Variants in OR56A3 observed in about 807,000 individuals in gnomAD.
OR56A3 encodes olfactory receptor 56A3.
OR56A3 carries 23 observed loss-of-function variants against 17.5 expected under a neutral mutation model. That is an observed-to-expected ratio of 1.32 (90% CI 0.95 to 1.87). The LOEUF is 1.87. Ranked by LOEUF, OR56A3 falls within the 40% of genes most tolerant of loss-of-function variation. OR56A3 has a pLI of 0.00. For synonymous variants in OR56A3, 175 were observed against 150.6 expected (o/e 1.16, Z -1.19); for missense variants, 366 against 380.1 (o/e 0.96, Z 0.31).
At position 5,949,544 on chromosome 11, in the gene OR56A3, T is replaced by C. The variant is rs1204427937; in HGVS notation, c.*1250T>C. ...TACCTGATAATAGTGAGCGATTTGTTTTAGAATATTCTTCTAAATACAAGA... is the reference window on the plus strand; with the variant it reads ...TACCTGATAATAGTGAGCGATTTGTCTTAGAATATTCTTCTAAATACAAGA... On this transcript the variant is annotated 3_prime_UTR_variant, in exon 3 of 3. Transcript: ENST00000641160. 1 of 152,210 alleles carries C rather than the reference T, an allele frequency of 6.6e-6. No individual in the cohort carries two copies. Among genetic ancestry groups the C allele is most frequent in the African/African-American group, 2.4e-5 (1 of 41,452 alleles). 9.4% of individuals were successfully genotyped at this position (152,210 alleles called of 1,614,324 possible). A position where few individuals can be genotyped will look rare whatever the true frequency, so the allele number is the denominator to read the frequency against.
the OR56A3 span, chr11:5,987,125 G>A: frequency 8.2e-6 from 5 of 609,658 alleles, no homozygotes; most frequent in Non-Finnish European, 8.6e-6. Context: ...GTTTTGTTTA[G>A]AGATAAGAGT....
At chr11:6,010,694 C>T in the OR56A3 span, among the ~76,000 whole-genome samples, 2 of 152,180 alleles carry the variant, frequency 1.3e-5, no homozygotes, top group African/African-American at 4.8e-5. Context: ...CATGAACAAT[C>T]TAAGACAGAC....
chr11:5,986,516 C>A, the OR56A3 span: 1 of 1,613,684 alleles, frequency 6.2e-7, no homozygotes, highest in East Asian at 2.2e-5. Flanking sequence ...ACATAGCGAT[C>A]CAGAGCCATG....
the OR56A3 span, among the ~76,000 whole-genome samples, chr11:5,998,031 T>C: frequency 6.6e-6 from 1 of 152,112 alleles, no homozygotes; most frequent in East Asian, 1.9e-4. Flanking sequence ...GTACCAGCAA[T>C]AGGAGTGAGG....
the OR56A3 span, among the ~76,000 whole-genome samples, chr11:5,970,459 G>C: frequency 3.9e-5 from 6 of 152,166 alleles, no homozygotes; most frequent in African/African-American, 1.4e-4. Flanking sequence ...GAGAGAAATA[G>C]AATGCGGGAG....
chr11:5,943,378 TC>T (rs1446265046), intron 1 of OR56A3: 1 of 152,108 alleles, frequency 6.6e-6, no homozygotes, highest in African/African-American at 2.4e-5. Flanking sequence ...TCCATTTGGC[TC>T]TACCCTGCAA....
the OR56A3 span, chr11:5,986,947 C>T: frequency 1.2e-6 from 2 of 1,607,730 alleles, no homozygotes; most frequent in Non-Finnish European, 1.7e-6. Flanking sequence ...TGCATTCCTG[C>T]TACATTATCA....
intron 1 of OR56A3, among the ~76,000 whole-genome samples, chr11:5,944,424 G>A (rs1186004901): frequency 6.6e-6 from 1 of 152,188 alleles, no homozygotes; most frequent in African/African-American, 2.4e-5. Context: ...CCAGACTGCT[G>A]AAAAACAGCC....
chr11:5,993,603 C>T, the OR56A3 span, among the ~76,000 whole-genome samples: 3 of 152,080 alleles, frequency 2.0e-5, no homozygotes, highest in African/African-American at 4.8e-5. Flanking sequence ...ATTGGCCCTT[C>T]CATTTTGCCT....
the OR56A3 span, among the ~76,000 whole-genome samples, chr11:5,978,082 A>G: frequency 3.9e-5 from 6 of 152,124 alleles, no homozygotes; most frequent in African/African-American, 1.4e-4. Flanking sequence ...TTTTTGTACC[A>G]GTACTATGTT....
the OR56A3 span, among the ~76,000 whole-genome samples, chr11:5,958,646 C>T: frequency 6.6e-6 from 1 of 152,098 alleles, no homozygotes; most frequent in Non-Finnish European, 1.5e-5. Context: ...ATGACCTCCA[C>T]TCTCTTTGGG....
the OR56A3 span, among the ~76,000 whole-genome samples, chr11:5,969,197 C>G: frequency 6.6e-6 from 1 of 152,204 alleles, no homozygotes; most frequent in African/African-American, 2.4e-5. Flanking sequence ...AAGATAGGCT[C>G]AAAGGTTATG....
rs1315317411 is a variant in OR56A3 at position 5,948,292 on chromosome 11, T to C, written c.946T>C (p.Ter316GlnextTer7). 6.2e-7 allele frequency: 1 copy of C among 1,601,560 alleles called. No homozygotes were observed. The highest frequency in any genetic ancestry group is 1.7e-5 in the Admixed American group (1 of 59,870). ...GMQRLLKKGC[*>Q] ...GCAGAGGTTGTTGAAGAAAGGGTGC[T>C]AACAAGGACCACTGGATCTCTGAAT... is the stretch of plus-strand genomic sequence containing the variant. The change falls in exon 3 of 3, where the codon TAA becomes CAA. Residue 316 changes from the stop codon to glutamine (Q), a stop_lost. Coordinates refer to ENST00000641160, the MANE Select transcript of OR56A3 (RefSeq NM_001003443.3).
At chr11:6,010,078 AT>A in the OR56A3 span, among the ~76,000 whole-genome samples, 100 of 152,106 alleles carry the variant, frequency 6.6e-4, no homozygotes, top group Non-Finnish European at 1.2e-3. Flanking sequence ...TTTAAAAAAA[AT>A]ACCTGGTTTT....
At chr11:6,020,502 T>C in the OR56A3 span, 1 of 152,132 alleles carries the variant, frequency 6.6e-6, no homozygotes, top group Non-Finnish European at 1.5e-5. Context: ...TGTTTGGTAA[T>C]TCTCACTGTA....
chr11:5,986,860 C>T, the OR56A3 span: 1 of 1,613,892 alleles, frequency 6.2e-7, no homozygotes, highest in South Asian at 1.1e-5. Flanking sequence ...CTGGGATAGC[C>T]TCCAGCTTGA....
At chr11:6,011,024 A>T in the OR56A3 span, among the ~76,000 whole-genome samples, 1,144 of 152,188 alleles carry the variant, frequency 7.5e-3, 10 homozygotes, top group South Asian at 0.013. Flanking sequence ...AAGCTGTGTT[A>T]TTATAAAAGA....
the OR56A3 span, among the ~76,000 whole-genome samples, chr11:5,992,828 C>T: frequency 6.6e-6 from 1 of 152,148 alleles, no homozygotes; most frequent in East Asian, 1.9e-4. Flanking sequence ...CTAGGTGGAG[C>T]GAAGCTTCCC....
chr11:6,004,324 G>A, the OR56A3 span, among the ~76,000 whole-genome samples: 1 of 151,938 alleles, frequency 6.6e-6, no homozygotes, highest in Non-Finnish European at 1.5e-5. Flanking sequence ...ACTGCACTCC[G>A]GCCTGGCAAC....
Sources: allele counts gnomAD v4.1 joint callset (sites outside exome capture counted in the v4.1 genomes callset), GRCh38; gene constraint gnomAD v4.1.1; transcripts MANE v1.5; gene names NCBI Gene and HGNC (gene_info 2026-07-23, HGNC 2026-07-21).